The following TRMT11 variants were observed in gnomAD, a reference collection of about 807,000 sequenced individuals.
TRMT11 encodes the protein tRNA (guanine(10)-N(2))-methyltransferase TRMT11.
TRMT11 carries 53 observed loss-of-function variants against 62.8 expected under a neutral mutation model. The observed-to-expected ratio is 0.84, with a 90% CI of 0.68 to 1.06. The LOEUF (loss-of-function observed/expected upper bound fraction) is 1.06. Ranked by LOEUF, TRMT11 falls within the 50% of genes least tolerant of loss-of-function variation. The pLI, the probability that TRMT11 is intolerant of heterozygous loss-of-function variation, is 0.00. For missense variants in TRMT11, 556 were observed against 553.4 expected (o/e 1.00, Z -0.05); for synonymous variants, 188 against 190.3 (o/e 0.99, Z 0.10).
chr6:126,260,126 T>C, the TRMT11 span, among the ~76,000 whole-genome samples: 3 of 152,226 alleles, frequency 2.0e-5, no homozygotes, highest in African/African-American at 7.2e-5. Context: ...TGTTGTTTAA[T>C]AGATTCTTTA....
intron 21 of TRMT11, among the ~76,000 whole-genome samples, chr6:126,150,036 TG>T (rs1562334186): frequency 2.0e-5 from 3 of 152,188 alleles, no homozygotes; most frequent in African/African-American, 7.2e-5. Flanking sequence ...TCCCTAATGT[TG>T]CGGTATTGAG....
the TRMT11 span, among the ~76,000 whole-genome samples, chr6:126,242,568 A>ACCTGGTACCTGC: frequency 6.6e-6 from 1 of 152,222 alleles, no homozygotes; most frequent in Non-Finnish European, 1.5e-5. Flanking sequence ...ACAGCATGGT[A>ACCTGGTACCTGC]CTGGTACCAA....
intron 11 of TRMT11, among the ~76,000 whole-genome samples, chr6:126,018,248 A>G (rs1795278494): frequency 1.3e-5 from 2 of 152,204 alleles, no homozygotes; most frequent in Non-Finnish European, 1.5e-5. Context: ...GCCTATAATG[A>G]GTGAAGAGAA....
chr6:126,238,945 A>G, the TRMT11 span, among the ~76,000 whole-genome samples: 7 of 152,086 alleles, frequency 4.6e-5, no homozygotes, highest in East Asian at 9.6e-4. Flanking sequence ...TGTTGAATTG[A>G]TCCCTTTACC....
the TRMT11 span, among the ~76,000 whole-genome samples, chr6:126,234,704 A>G: frequency 4.6e-3 from 706 of 152,288 alleles, 13 homozygotes; most frequent in African/African-American, 0.016. Context: ...AAAAATTAAT[A>G]TATGTGTATT....
chr6:126,116,838 T>C (rs1777592865), intron 21 of TRMT11, among the ~76,000 whole-genome samples: 1 of 152,080 alleles, frequency 6.6e-6, no homozygotes, highest in Non-Finnish European at 1.5e-5. Context: ...TGGATGTTCA[T>C]GAGGGAGATT....
At chr6:126,004,461 C>G (rs1264285707) in intron 7 of TRMT11, among the ~76,000 whole-genome samples, 8 of 152,030 alleles carry the variant, frequency 5.3e-5, no homozygotes. Context: ...GGACATCAGT[C>G]AATTTTTGGT....
chr6:126,115,767 C>T (rs1206231052), exon 21 of TRMT11, among the ~76,000 whole-genome samples: 3 of 152,040 alleles, frequency 2.0e-5, no homozygotes, highest in Non-Finnish European at 2.9e-5. Context: ...TAGAAGAGGA[C>T]CACAAGCCTG....
rs767278078 is a variant in TRMT11, at chr6:126,011,320, A to G, written c.828A>G (p.Gln276=). Residue 276 remains glutamine, a synonymous_variant, in exon 9 of 13, where the codon CAA becomes CAG. Coordinates refer to ENST00000334379, the MANE Select transcript of TRMT11 (RefSeq NM_001031712.3). ...PDENIRANLR[Q]YGLEKYYLDV... Reference sequence around the variant, plus strand: ...AAAACATTAGGGCCAATCTTCGTCAATATGGTTTAGAGAAGTATTACCTTG... The same window carrying G: ...AAAACATTAGGGCCAATCTTCGTCAGTATGGTTTAGAGAAGTATTACCTTG... The G allele has an allele frequency of 9.3e-6, 15 of 1,613,510 alleles. No homozygotes were observed. Among genetic ancestry groups the G allele is most frequent in the Middle Eastern group, 1.7e-4 (1 of 6,038 alleles).
chr6:126,124,244 C>A (rs1777683169), intron 21 of TRMT11, among the ~76,000 whole-genome samples: 1 of 151,968 alleles, frequency 6.6e-6, no homozygotes, highest in Non-Finnish European at 1.5e-5. Flanking sequence ...TGTCTTAGTT[C>A]TTTTCTCTTG....
intron 1 of TRMT11, among the ~76,000 whole-genome samples, chr6:126,177,934 C>T (rs1186497534): frequency 1.3e-5 from 2 of 152,130 alleles, no homozygotes; most frequent in Admixed American, 6.5e-5. Context: ...CTGGCTGCCT[C>T]CTCCCACAAC....
intron 21 of TRMT11, among the ~76,000 whole-genome samples, chr6:126,155,739 G>T (rs1171096800): frequency 6.6e-6 from 1 of 152,158 alleles, no homozygotes; most frequent in Admixed American, 6.5e-5. Context: ...TTTTCTTTTT[G>T]AGACGGAGTC....
At chr6:126,103,519 G>A (rs945166461) in intron 17 of TRMT11, among the ~76,000 whole-genome samples, 3 of 152,188 alleles carry the variant, frequency 2.0e-5, no homozygotes, top group Non-Finnish European at 2.9e-5. Flanking sequence ...TGCAATCAAC[G>A]TGTTAGTTGA....
Position 126,024,594 on chromosome 6 carries a change from A to C in TRMT11, c.1260+3314A>C, listed in dbSNP as rs1302809586. Reference sequence around the variant, plus strand: ...ATTAAGGCCCTGCCTTTAAGATTTCATTTATGCATAATTACCTCCTTAAAG... The same window carrying C: ...ATTAAGGCCCTGCCTTTAAGATTTCCTTTATGCATAATTACCTCCTTAAAG... On this transcript the variant is annotated intron_variant, in intron 12 of 12. Coordinates refer to ENST00000334379, the MANE Select transcript of TRMT11 (RefSeq NM_001031712.3). 2.6e-5 allele frequency among the ~76,000 whole-genome samples: 4 copies of C among 152,186 alleles called. No individual in the cohort carries two copies. In the East Asian group the frequency reaches 7.7e-4, roughly 29 times the overall value.
In TRMT11 at chr6:126,151,805, C is replaced by CTTTTCTTTCTTTCTTTCTTTAG. The variant is rs1239061651; in HGVS notation, c.*1824-23000_*1824-22999insAGTTTTCTTTCTTTCTTTCTTT. 6.0e-4 allele frequency among the ~76,000 whole-genome samples: 33 copies of CTTTTCTTTCTTTCTTTCTTTAG among 54,606 alleles called. 1 individual carries two copies. The highest frequency in any genetic ancestry group is 9.3e-4 in the Non-Finnish European group (26 of 28,020). The allele number at this position is 54,606 out of a possible 152,430, so 35.8% of individuals were successfully genotyped here. ...TTTTCCTTCCTTCCTTCCTCTCTGTCTTTTCTTTCTTTCTTTCTTTCTTTC... is the reference window on the plus strand; with the variant it reads ...TTTTCCTTCCTTCCTTCCTCTCTGTCTTTTCTTTCTTTCTTTCTTTAGTTTTCTTTCTTTCTTTCTTTCTTTC... On this transcript the variant is annotated intron_variant and NMD_transcript_variant, in intron 21 of 22. Transcript: ENST00000648977.
At chr6:126,145,717 T>C (rs1268711107) in intron 21 of TRMT11, among the ~76,000 whole-genome samples, 1 of 152,186 alleles carries the variant, frequency 6.6e-6, no homozygotes, top group African/African-American at 2.4e-5. Context: ...ATCTACTGTG[T>C]CTGTTTACTT....
chr6:126,181,296 A>C (rs1188594898), intron 1 of TRMT11, among the ~76,000 whole-genome samples: 2 of 152,198 alleles, frequency 1.3e-5, no homozygotes, highest in Non-Finnish European at 2.9e-5. Flanking sequence ...TTTCACCTAA[A>C]TCCTCTTATT....
At chr6:126,236,478 C>CT in the TRMT11 span, among the ~76,000 whole-genome samples, 3 of 152,052 alleles carry the variant, frequency 2.0e-5, no homozygotes, top group Non-Finnish European at 4.4e-5. Context: ...TCATGTCTAT[C>CT]TTGTATTGAT....
chr6:126,271,484 T>C, the TRMT11 span, among the ~76,000 whole-genome samples: 24 of 150,908 alleles, frequency 1.6e-4, no homozygotes, highest in African/African-American at 4.9e-4. Context: ...TCCCAAATGG[T>C]TTATATATAT....
Sources: allele counts gnomAD v4.1 joint callset (sites outside exome capture counted in the v4.1 genomes callset), GRCh38; gene constraint gnomAD v4.1.1; transcripts MANE v1.5; gene names NCBI Gene and HGNC (gene_info 2026-07-23, HGNC 2026-07-21).